ROBO1: variants seen among roughly 807,000 people sequenced by gnomAD.
ROBO1 encodes the protein roundabout homolog 1.
A neutral mutation model predicts 195.9 loss-of-function variants in ROBO1; 149 were observed. The ratio of observed to expected loss-of-function variants is 0.76; its 90% CI spans 0.67 to 0.87. The LOEUF (loss-of-function observed/expected upper bound fraction) is 0.87. Ranked by LOEUF, ROBO1 falls within the 40% of genes least tolerant of loss-of-function variation. ROBO1 has a pLI of 0.00. For synonymous variants in ROBO1, 816 were observed against 733.2 expected (o/e 1.11, Z -1.82); for missense variants, 1,933 against 2,068.3 (o/e 0.93, Z 1.27).
At chr3:79,007,292 C>T (rs879457143) in intron 3 of ROBO1, among the ~76,000 whole-genome samples, 1 of 152,086 alleles carries the variant, frequency 6.6e-6, no homozygotes, top group East Asian at 1.9e-4. Context: ...GCTTAATATG[C>T]AGACAAGTTT....
chr3:78,728,430 T>G (rs1421999735), intron 5 of ROBO1, among the ~76,000 whole-genome samples: 1 of 134,986 alleles, frequency 7.4e-6, no homozygotes, highest in Non-Finnish European at 1.6e-5. Flanking sequence ...CCAATATTCA[T>G]AAGATTTTGT....
chr3:78,795,459 A>T (rs1207886443), intron 4 of ROBO1, among the ~76,000 whole-genome samples: 1 of 152,184 alleles, frequency 6.6e-6, no homozygotes, highest in African/African-American at 2.4e-5. Context: ...TACAGGAACA[A>T]CACTAAGAAA....
At chr3:79,620,355 G>A (rs576246289) in intron 1 of ROBO1, among the ~76,000 whole-genome samples, 15 of 152,286 alleles carry the variant, frequency 9.8e-5, no homozygotes, top group African/African-American at 3.1e-4. Context: ...AACTCTTACA[G>A]TGGAGGGTAA....
chr3:79,478,390 C>T (rs1186812720), intron 2 of ROBO1, among the ~76,000 whole-genome samples: 1 of 140,130 alleles, frequency 7.1e-6, no homozygotes, highest in Non-Finnish European at 1.5e-5. Context: ...CAGACCAACC[C>T]CCCCACCCCC....
intron 4 of ROBO1, among the ~76,000 whole-genome samples, chr3:78,936,382 T>TAA (rs1461808748): frequency 6.6e-6 from 1 of 152,030 alleles, no homozygotes; most frequent in Non-Finnish European, 1.5e-5. Flanking sequence ...CGTTAATGTT[T>TAA]TTACTTGGGG....
At chr3:79,574,301 A>G (rs1943376439) in intron 2 of ROBO1, among the ~76,000 whole-genome samples, 2 of 151,968 alleles carry the variant, frequency 1.3e-5, no homozygotes, top group Admixed American at 1.3e-4. Flanking sequence ...GTTTACATAC[A>G]TTCTACTTGT....
chr3:79,627,108 G>A (rs964633683), intron 1 of ROBO1, among the ~76,000 whole-genome samples: 1 of 152,000 alleles, frequency 6.6e-6, no homozygotes, highest in East Asian at 1.9e-4. Context: ...TATTCCCCAT[G>A]AAACTACCAT....
chr3:78,763,652 G>A (rs2083158898), intron 4 of ROBO1, among the ~76,000 whole-genome samples: 1 of 151,920 alleles, frequency 6.6e-6, no homozygotes, highest in Admixed American at 6.6e-5. Flanking sequence ...TATAATTTAA[G>A]TCATTAAAAA....
chr3:79,051,599 A>T (rs2078699865), intron 3 of ROBO1, among the ~76,000 whole-genome samples: 1 of 152,140 alleles, frequency 6.6e-6, no homozygotes, highest in African/African-American at 2.4e-5. Flanking sequence ...GCAGAGACAC[A>T]ACAAAAAAAG....
intron 14 of ROBO1, among the ~76,000 whole-genome samples, chr3:78,664,331 G>A (rs1707611966): frequency 6.6e-6 from 1 of 152,124 alleles, no homozygotes; most frequent in Admixed American, 6.5e-5. Flanking sequence ...CCCACTCATT[G>A]ATAATAACTG....
At chr3:79,124,721 A>T (rs2080183119) in intron 3 of ROBO1, among the ~76,000 whole-genome samples, 1 of 152,236 alleles carries the variant, frequency 6.6e-6, no homozygotes, top group Admixed American at 6.5e-5. Flanking sequence ...TCAATGGGTT[A>T]TAAGTGATGT....
In ROBO1 at chr3:79,169,141, A is replaced by G. The variant is rs2081123298; in HGVS notation, c.89-43602T>C. 2.6e-5 allele frequency among the ~76,000 whole-genome samples: 4 copies of G among 152,332 alleles called. No individual in the cohort carries two copies. In the South Asian group the frequency reaches 8.3e-4, roughly 32 times the overall value. The stretch of plus-strand genomic sequence containing the variant: ...ATAACCAAAGAATAGCAAGGCTATG[A>G]AAGTGGACTATTGATGACTGGGATC... On this transcript the variant is annotated intron_variant, in intron 2 of 30. Coordinates refer to ENST00000464233, the MANE Select transcript of ROBO1 (RefSeq NM_002941.4).
At chr3:79,412,614 A>T (rs1419037022) in intron 2 of ROBO1, among the ~76,000 whole-genome samples, 2 of 152,136 alleles carry the variant, frequency 1.3e-5, no homozygotes, top group Admixed American at 1.3e-4. Flanking sequence ...CATGATAAAA[A>T]TGCCTCTGGA....
chr3:79,416,573 A>G (rs2038012159), intron 2 of ROBO1, among the ~76,000 whole-genome samples: 1 of 150,450 alleles, frequency 6.6e-6, no homozygotes, highest in South Asian at 2.1e-4. Flanking sequence ...ATGCCACTGC[A>G]CTCCAGCCTG....
intron 29 of ROBO1, among the ~76,000 whole-genome samples, chr3:78,606,506 G>T (rs112455002): frequency 0.014 from 2,189 of 152,138 alleles, 52 homozygotes; most frequent in South Asian, 0.047. Flanking sequence ...TGGAAATCAT[G>T]CTTTCCTTTA....
chr3:79,563,904 T>C (rs1027906101), intron 2 of ROBO1, among the ~76,000 whole-genome samples: 3 of 152,046 alleles, frequency 2.0e-5, no homozygotes, highest in Non-Finnish European at 4.4e-5. Context: ...ACATTTATTT[T>C]GATATAACAA....
intron 3 of ROBO1, among the ~76,000 whole-genome samples, chr3:79,015,272 C>G (rs1165643669): frequency 6.6e-6 from 1 of 151,856 alleles, no homozygotes; most frequent in Non-Finnish European, 1.5e-5. Context: ...TACCAGAAAG[C>G]AAGATGGAAG....
At chr3:79,259,129 A>C (rs1023786142) in intron 2 of ROBO1, among the ~76,000 whole-genome samples, 1 of 151,964 alleles carries the variant, frequency 6.6e-6, no homozygotes, top group Admixed American at 6.6e-5. Flanking sequence ...TTTGAGTTGC[A>C]AACAATCCAA....
intron 1 of ROBO1, among the ~76,000 whole-genome samples, chr3:79,722,592 G>C (rs536316390): frequency 6.6e-6 from 1 of 152,288 alleles, no homozygotes; most frequent in East Asian, 1.9e-4. Context: ...GCACAGGGAA[G>C]CCATCTTCAC....
Sources: allele counts gnomAD v4.1 joint callset (sites outside exome capture counted in the v4.1 genomes callset), GRCh38; gene constraint gnomAD v4.1.1; transcripts MANE v1.5; gene names NCBI Gene and HGNC (gene_info 2026-07-23, HGNC 2026-07-21).